The following ASB6 variants were observed in gnomAD, a reference collection of about 807,000 sequenced individuals.
The protein encoded by ASB6 is ankyrin repeat and SOCS box containing 6.
ASB6 carries 24 observed loss-of-function variants against 28.6 expected under a neutral mutation model. The ratio of observed to expected loss-of-function variants is 0.84; its 90% CI spans 0.61 to 1.18. ASB6 has a LOEUF of 1.18. ASB6 is among the 50% of genes most tolerant of loss of function. The probability of loss-of-function intolerance (pLI) is 0.00; values close to 1 mark genes in which losing one functional copy is unlikely to be tolerated. For missense variants in ASB6, 519 were observed against 559.8 expected (o/e 0.93, Z 0.74); for synonymous variants, 267 against 243.4 (o/e 1.10, Z -0.90).
In ASB6 at chr9:129,635,452, T is replaced by G; in HGVS notation, c.*2338A>C. ...ATGAGATCTACCATGTCTATAGCTT[T>G]GCCCTGAGATGAGCCGGGGCTGGCA... On this transcript the variant is annotated 3_prime_UTR_variant, in exon 6 of 6. Coordinates refer to ENST00000277458, the MANE Select transcript of ASB6 (RefSeq NM_017873.4). 2 of 1,608,624 alleles carry G rather than the reference T, an allele frequency of 1.2e-6. No individual in the cohort carries two copies. Among genetic ancestry groups the G allele is most frequent in the East Asian group, 2.2e-5 (1 of 44,710 alleles).
Position 129,640,632 on chromosome 9 carries a change from G to A in ASB6, c.204C>T (p.Gly68=), listed in dbSNP as rs770470004. ...CCATCTTGAGCAGGGCGTTGCTCAC[G>A]CCTTCCTGGTAAAAGGGAGAGTGGG... The part of the protein sequence containing the change: ...RKAHSPFYQE[G]VSNALLKMAE... Residue 68 remains glycine, a synonymous_variant, in exon 2 of 6, where the codon GGC becomes GGT. Transcript: ENST00000277458. The A allele has an allele frequency of 6.2e-7, 1 of 1,614,102 alleles. No individual in the cohort carries two copies. Among genetic ancestry groups the A allele is most frequent in the East Asian group, 2.2e-5 (1 of 44,892 alleles).
At position 129,638,097 on chromosome 9, in the gene ASB6, G is replaced by T. The variant is rs978879389; in HGVS notation, c.959C>A (p.Ala320Glu). 1 of 1,614,058 alleles carries T rather than the reference G, an allele frequency of 6.2e-7. No homozygotes were observed. Among genetic ancestry groups the T allele is most frequent in the Non-Finnish European group, 8.5e-7 (1 of 1,180,036 alleles). ...HPGCTEDESH[A>E]DLLRKAETVL... ...AGTCTCAGCTTTGCGCAGGAGGTCC[G>T]CATGGCTCTCGTCTTCCGTGCAGCC... Residue 320 changes from alanine to glutamate, a missense_variant, in exon 6 of 6, where the codon GCG becomes GAG. Coordinates refer to ENST00000277458, the MANE Select transcript of ASB6 (RefSeq NM_017873.4).
intron 2 of ASB6, 82 bp from the exon 3 acceptor site, chr9:129,639,590 C>T: frequency 7.9e-7 from 1 of 1,261,232 alleles, no homozygotes; most frequent in Non-Finnish European, 1.1e-6. Flanking sequence ...CAGCCCCAAA[C>T]TCCCACCTAA....
Position 129,637,586 on chromosome 9 carries a change from G to C in ASB6, c.*204C>G. On this transcript the variant is annotated 3_prime_UTR_variant, in exon 6 of 6. Transcript: ENST00000277458. Reference sequence around the variant, plus strand: ...GACTTGGAGTGCCGCTGGAGGGAAGGGGGCAGTCTCTCTGGAAGAACCAGA... The same window carrying C: ...GACTTGGAGTGCCGCTGGAGGGAAGCGGGCAGTCTCTCTGGAAGAACCAGA... 2.3e-6 allele frequency: 1 copy of C among 435,672 alleles called. No individual in the cohort carries two copies. Among genetic ancestry groups the C allele is most frequent in the Non-Finnish European group, 3.9e-6 (1 of 253,986 alleles). 27.0% of individuals were successfully genotyped at this position (435,672 alleles called of 1,614,324 possible).
In ASB6 at chr9:129,641,939, T is replaced by C; in HGVS notation, c.61A>G (p.Ile21Val). 1 of 1,601,794 alleles carries C rather than the reference T, an allele frequency of 6.2e-7. No homozygotes were observed. The highest frequency in any genetic ancestry group is 8.5e-7 in the Non-Finnish European group (1 of 1,175,396). ...TCCTGGATCCCCAGGGAGCCCAGAA[T>C]CGCATCCACCAGCGGCTGGTACTCG... ...IFEYQPLVDA[I>V]LGSLGIQDPE... The change falls in exon 1 of 6, where the codon ATT (isoleucine) becomes GTT (valine). Residue 21 changes from isoleucine to valine, a missense_variant. Ile to Val is a conservative substitution (Grantham distance 29). Coordinates refer to ENST00000277458, the MANE Select transcript of ASB6 (RefSeq NM_017873.4).
chr9:129,634,912 A>C lies in ASB6; in HGVS notation c.*2878T>G. The C allele has an allele frequency of 2.5e-6, 1 of 406,532 alleles. No homozygotes were observed. The highest frequency in any genetic ancestry group is 4.1e-5 in the Admixed American group (1 of 24,556). The allele number at this position is 406,532 out of a possible 1,614,324, so 25.2% of individuals were successfully genotyped here. ...AGCCCAGGTTCACTCCTCCGATCCA[A>C]GCCTGGCAGGGGTGGGGCATCATGG... On this transcript the variant is annotated 3_prime_UTR_variant, in exon 6 of 6. Transcript: ENST00000277458.
chr9:129,635,085 C>A lies in ASB6; in HGVS notation c.*2705G>T. ...CTCTCGGGACTGAGAGCCAATGAGG[C>A]CATGTGTGCACACAAAATGCTGGGC... On this transcript the variant is annotated 3_prime_UTR_variant, in exon 6 of 6. Coordinates refer to ENST00000277458, the MANE Select transcript of ASB6 (RefSeq NM_017873.4). 1.8e-6 allele frequency: 2 copies of A among 1,126,304 alleles called. No individual in the cohort carries two copies. Among genetic ancestry groups the A allele is most frequent in the Non-Finnish European group, 2.5e-6 (2 of 787,836 alleles). 69.8% of individuals were successfully genotyped at this position (1,126,304 alleles called of 1,614,324 possible). A position where few individuals can be genotyped will look rare whatever the true frequency, so the allele number is the denominator to read the frequency against.
intron 4 of ASB6, 69 bp from the exon 5 acceptor site, chr9:129,638,728 G>A (rs1472910818): frequency 1.5e-6 from 2 of 1,294,344 alleles, no homozygotes; most frequent in South Asian, 1.2e-5. Flanking sequence ...CCCAGAGGAG[G>A]TGGCAGAAAT....
Position 129,642,098 on chromosome 9 carries a change from C to T in ASB6, c.-99G>A, listed in dbSNP as rs1831719813. On this transcript the variant is annotated 5_prime_UTR_variant, in exon 1 of 6. Transcript: ENST00000277458. This position sits in a 1 kb window ranked among gnomAD's most constrained non-coding sequence, Gnocchi z 4.3. ...CTCCGGCGGCCGCGGACCCCACCTGCTCCGCCAGTCCAGCCCCTGCGCCCG... is the reference window on the plus strand; with the variant it reads ...CTCCGGCGGCCGCGGACCCCACCTGTTCCGCCAGTCCAGCCCCTGCGCCCG... The T allele has an allele frequency of 1.4e-6, 2 of 1,404,466 alleles. No homozygotes were observed. Among genetic ancestry groups the T allele is most frequent in the Middle Eastern group, 2.6e-4 (1 of 3,874 alleles). The allele number at this position is 1,404,466 out of a possible 1,614,324, so 87.0% of individuals were successfully genotyped here. A position where few individuals can be genotyped will look rare whatever the true frequency, so the allele number is the denominator to read the frequency against.
Position 129,637,554 on chromosome 9 carries a change from T to A in ASB6, c.*236A>T. 2.6e-6 allele frequency: 1 copy of A among 384,016 alleles called. No individual in the cohort carries two copies. The highest frequency in any genetic ancestry group is 3.9e-5 in the East Asian group (1 of 25,768). The allele number at this position is 384,016 out of a possible 1,614,324, so 23.8% of individuals were successfully genotyped here. A position where few individuals can be genotyped will look rare whatever the true frequency, so the allele number is the denominator to read the frequency against. Reference sequence around the variant, plus strand: ...CCAAGCCCTGTTCCTCTTTCCAACATGGGGGGGACTTGGAGTGCCGCTGGA... The same window carrying A: ...CCAAGCCCTGTTCCTCTTTCCAACAAGGGGGGGACTTGGAGTGCCGCTGGA... On this transcript the variant is annotated 3_prime_UTR_variant, in exon 6 of 6. Coordinates refer to ENST00000277458, the MANE Select transcript of ASB6 (RefSeq NM_017873.4).
At chr9:129,641,754 A>C in intron 1 of ASB6, 133 bp downstream of exon 1, 1 of 1,002,050 alleles carries the variant, frequency 1.0e-6, no homozygotes, top group Admixed American at 3.8e-5. Flanking sequence ...ACTCCGAGCC[A>C]CGCAACCCCG....
Position 129,636,338 on chromosome 9 carries a change from G to C in ASB6, c.*1452C>G, listed in dbSNP as rs4419911. The C allele has an allele frequency of 0.98, 148,676 of 152,106 alleles. 72,672 individuals are homozygous for C. Among genetic ancestry groups the C allele is most frequent in the Middle Eastern group, 0.99 (292 of 294 alleles). The allele number at this position is 152,106 out of a possible 1,614,324, so 9.4% of individuals were successfully genotyped here. The stretch of plus-strand genomic sequence containing the variant: ...CCCGGGAGGCAGAGCTTGCAGTGAG[G>C]TGAGATTGCGCCACTGCACTCCAGC... On this transcript the variant is annotated 3_prime_UTR_variant, in exon 6 of 6. Transcript: ENST00000277458.
rs1361328960 is a variant in ASB6, at chr9:129,636,920, ATAATAT to A, written c.*864_*869del. On this transcript the variant is annotated 3_prime_UTR_variant, in exon 6 of 6. Transcript: ENST00000277458. ...AGGCCAAGAAAGTCAGTTTAATCTT[ATAATAT>A]AAATATATCATTTAGTCACCTCAGC... The A allele has an allele frequency of 2.0e-5, 3 of 152,322 alleles. No homozygotes were observed. Among genetic ancestry groups the A allele is most frequent in the South Asian group, 2.1e-4 (1 of 4,834 alleles). The allele number at this position is 152,322 out of a possible 1,614,324, so 9.4% of individuals were successfully genotyped here. A position where few individuals can be genotyped will look rare whatever the true frequency, so the allele number is the denominator to read the frequency against.
Position 129,638,835 on chromosome 9 carries a change from C to T in ASB6, c.512-176G>A, listed in dbSNP as rs1831623808. On this transcript the variant is annotated intron_variant, in intron 4 of 5. Transcript: ENST00000277458. ...AGGCTTCTGGCCATTCCCTTTCCAC[C>T]CAGAGAAGTGGGAGCGGAAAGGCCA... Among the ~76,000 whole-genome samples the T allele has an allele frequency of 5.3e-5, 8 of 152,302 alleles. No individual in the cohort carries two copies. The South Asian group carries it at 1.7e-3, about 32-fold the overall frequency.
Position 129,639,277 on chromosome 9 carries a change from C to T in ASB6, c.436G>A (p.Glu146Lys), listed in dbSNP as rs377276982. The change falls in exon 4 of 6, where the codon GAG becomes AAG. Residue 146 changes from glutamate to lysine, a missense_variant. Physicochemically the swap from Glu to Lys is moderately conservative, Grantham distance 56. Transcript: ENST00000277458. Reference protein sequence around the residue: ...HESSPLDLASEEPERLPCLQR... With the variant: ...HESSPLDLASKEPERLPCLQR... ...AGGCAGGGCAGGCGCTCAGGCTCCT[C>T]GCTGGCCAGGTCCAAGGGGCTACTC... 1.2e-4 allele frequency: 190 copies of T among 1,612,870 alleles called. No individual in the cohort carries two copies. Among genetic ancestry groups the T allele is most frequent in the Non-Finnish European group, 1.6e-4 (183 of 1,179,628 alleles).
Position 129,634,959 on chromosome 9 carries a change from T to C in ASB6, c.*2831A>G, listed in dbSNP as rs771151370. ...ATGGTGTGTAGGTATCAGGCAGGACTTGTAAGCCATCCCGTCAAGTCAAAT... is the reference window on the plus strand; with the variant it reads ...ATGGTGTGTAGGTATCAGGCAGGACCTGTAAGCCATCCCGTCAAGTCAAAT... On this transcript the variant is annotated 3_prime_UTR_variant, in exon 6 of 6. Coordinates refer to ENST00000277458, the MANE Select transcript of ASB6 (RefSeq NM_017873.4). The C allele has an allele frequency of 2.9e-5, 15 of 525,752 alleles. No homozygotes were observed. The highest frequency in any genetic ancestry group is 5.1e-5 in the Non-Finnish European group (15 of 293,606). 32.6% of individuals were successfully genotyped at this position (525,752 alleles called of 1,614,324 possible).
At chr9:129,641,765 G>T in intron 1 of ASB6, 122 bp downstream of exon 1, 1 of 1,084,834 alleles carries the variant, frequency 9.2e-7, no homozygotes, top group Non-Finnish European at 1.2e-6. Context: ...CGCAACCCCG[G>T]CTTCCGCCCG....
chr9:129,639,340 T>C (rs371148084), intron 3 of ASB6, 30 bp from the exon 4 acceptor site: 8 of 1,602,946 alleles, frequency 5.0e-6, no homozygotes, highest in African/African-American at 4.0e-5. Context: ...CCAGGTTGGC[T>C]TGGGAAGCTG....
Position 129,637,589 on chromosome 9 carries a change from G to T in ASB6, c.*201C>A. 1 of 440,580 alleles carries T rather than the reference G, an allele frequency of 2.3e-6. No homozygotes were observed. The highest frequency in any genetic ancestry group is 3.9e-6 in the Non-Finnish European group (1 of 257,886). 27.3% of individuals were successfully genotyped at this position (440,580 alleles called of 1,614,324 possible). A position where few individuals can be genotyped will look rare whatever the true frequency, so the allele number is the denominator to read the frequency against. On this transcript the variant is annotated 3_prime_UTR_variant, in exon 6 of 6. Coordinates refer to ENST00000277458, the MANE Select transcript of ASB6 (RefSeq NM_017873.4). ...TTGGAGTGCCGCTGGAGGGAAGGGG[G>T]CAGTCTCTCTGGAAGAACCAGAGCT...
Sources: gnomAD v4.1 joint callset for allele counts (sites outside exome capture counted in the v4.1 genomes callset) on GRCh38, gnomAD v4.1.1 for gene constraint, Gnocchi (gnomAD v3.1) non-coding constraint, MANE v1.5 for transcripts, NCBI Gene and HGNC (gene_info 2026-07-23, HGNC 2026-07-21) for gene names.